Variants in PDPN observed in about 807,000 individuals in gnomAD.
PDPN encodes the protein podoplanin.
PDPN carries 12 observed loss-of-function variants against 23.2 expected under a neutral mutation model. The observed-to-expected ratio is 0.52, with a 90% CI of 0.33 to 0.84. The LOEUF (loss-of-function observed/expected upper bound fraction) is 0.84, where lower values mean the gene tolerates loss of function less well. Among genes scored for constraint, PDPN ranks in the 40% least tolerant of loss-of-function variants. The pLI is 0.02. For synonymous variants in PDPN, 77 were observed against 76.7 expected, an observed-to-expected ratio of 1.00 and a Z score of -0.02; for missense variants, 199 against 212.2, an observed-to-expected ratio of 0.94 and a Z score of 0.39.
chr1:13,614,496 T>G, intron 5 of PDPN, 85 bp downstream of exon 5: 4 of 779,240 alleles, frequency 5.1e-6, no homozygotes, highest in Non-Finnish European at 8.9e-6. Flanking sequence ...TAGAAATCTC[T>G]GATATAAGCT....
In PDPN at chr1:13,603,035, A is replaced by T. The variant is rs796951525; in HGVS notation, c.68-4138A>T. Among the ~76,000 whole-genome samples the T allele has an allele frequency of 4.8e-4, 72 of 151,024 alleles. No homozygotes were observed. The East Asian group carries it at 5.2e-3, about 11-fold the overall frequency. ...CTCTACAAATATATATATATATATA[A>T]AAATAAAATGAGATGTCATCTCTAT... On this transcript the variant is annotated intron_variant, in intron 1 of 5. Transcript: ENST00000621990.
At chr1:13,585,519 G>C (rs1640152172) in intron 1 of PDPN, 2 of 1,350,702 alleles carry the variant, frequency 1.5e-6, no homozygotes, top group African/African-American at 3.0e-5. Flanking sequence ...GCAAAGCAAG[G>C]GAGCGCCCTC....
At chr1:13,602,789 G>A (rs1640680300) in intron 1 of PDPN, among the ~76,000 whole-genome samples, 1 of 151,894 alleles carries the variant, frequency 6.6e-6, no homozygotes, top group Admixed American at 6.6e-5. Flanking sequence ...GGCTGATCTT[G>A]AACTCCTGAC....
chr1:13,615,609 T>A (rs1363491480), intron 5 of PDPN, among the ~76,000 whole-genome samples: 3 of 151,980 alleles, frequency 2.0e-5, no homozygotes, highest in Non-Finnish European at 1.5e-5. Flanking sequence ...TTATATGAGT[T>A]GGAGGGATGA....
chr1:13,584,391 G>T, intron 1 of PDPN: 2 of 1,292,916 alleles, frequency 1.5e-6, no homozygotes, highest in East Asian at 5.1e-5. Context: ...CAGAGAGATC[G>T]GGTGGAAGGT....
At chr1:13,584,226 C>T (rs776932074) in intron 1 of PDPN, 126 bp downstream of exon 1, 7 of 1,518,738 alleles carry the variant, frequency 4.6e-6, no homozygotes, top group Admixed American at 2.0e-5. Flanking sequence ...AGGGTGTGTG[C>T]GTGTCAGGCG....
chr1:13,595,590 T>C (rs1033139258), intron 1 of PDPN, among the ~76,000 whole-genome samples: 3 of 152,228 alleles, frequency 2.0e-5, no homozygotes, highest in African/African-American at 7.2e-5. Flanking sequence ...GACACGTGTC[T>C]GATCTCCTCA....
At chr1:13,589,179 A>T (rs576801908) in intron 1 of PDPN, among the ~76,000 whole-genome samples, 24 of 152,150 alleles carry the variant, frequency 1.6e-4, no homozygotes, top group Admixed American at 2.6e-4. Flanking sequence ...CACAGTCTGG[A>T]AATTTATTCC....
At position 13,616,124 on chromosome 1, in the gene PDPN, T is replaced by C. The variant is rs546527599; in HGVS notation, c.*213T>C. On this transcript the variant is annotated 3_prime_UTR_variant, in exon 6 of 6. Transcript: ENST00000621990. ...TCTAAACATTTGCTGTTCAAACATG[T>C]TTTTGAATATACATTCTATAAAAGA... 10 of 590,508 alleles carry C rather than the reference T, an allele frequency of 1.7e-5. No individual in the cohort carries two copies. The highest frequency in any genetic ancestry group is 3.2e-5 in the Admixed American group (1 of 31,360). The allele number at this position is 590,508 out of a possible 1,614,324, so 36.6% of individuals were successfully genotyped here.
At chr1:13,592,791 T>C (rs1640384076) in intron 1 of PDPN, among the ~76,000 whole-genome samples, 1 of 152,054 alleles carries the variant, frequency 6.6e-6, no homozygotes, top group Admixed American at 6.6e-5. Flanking sequence ...CTCAGGTGAT[T>C]CGTCCGCCTC....
At chr1:13,592,897 A>C (rs1159760981) in intron 1 of PDPN, among the ~76,000 whole-genome samples, 1 of 152,212 alleles carries the variant, frequency 6.6e-6, no homozygotes, top group African/African-American at 2.4e-5. Context: ...CCTCTGTCAA[A>C]AATCAATTAC....
At chr1:13,589,079 G>A (rs373082526) in intron 1 of PDPN, among the ~76,000 whole-genome samples, 2 of 144,740 alleles carry the variant, frequency 1.4e-5, no homozygotes, top group South Asian at 2.1e-4. Flanking sequence ...CCTGCTTACC[G>A]TTAGTAGGAA....
At chr1:13,597,608 G>A (rs1430798790) in intron 1 of PDPN, among the ~76,000 whole-genome samples, 1 of 152,152 alleles carries the variant, frequency 6.6e-6, no homozygotes, top group Non-Finnish European at 1.5e-5. Context: ...TTAACGAGAG[G>A]AAGTCCCCAT....
intron 1 of PDPN, among the ~76,000 whole-genome samples, chr1:13,604,197 T>TA (rs1218039183): frequency 6.6e-6 from 1 of 152,196 alleles, no homozygotes; most frequent in Admixed American, 6.5e-5. Flanking sequence ...TGTGCATACA[T>TA]ATGTCTTGGG....
intron 1 of PDPN, among the ~76,000 whole-genome samples, chr1:13,591,026 C>T (rs968148805): frequency 1.3e-5 from 2 of 152,036 alleles, no homozygotes; most frequent in Non-Finnish European, 2.9e-5. Context: ...ACTGCAACCT[C>T]TGCCTCCCGG....
chr1:13,584,550 TC>T (rs1021231525), intron 1 of PDPN, among the ~76,000 whole-genome samples: 2 of 152,160 alleles, frequency 1.3e-5, no homozygotes, highest in Non-Finnish European at 2.9e-5. Context: ...AGGGGAGGGT[TC>T]CCCGCCCTGC....
chr1:13,597,151 G>A (rs1570027826), intron 1 of PDPN, among the ~76,000 whole-genome samples: 1 of 152,158 alleles, frequency 6.6e-6, no homozygotes, highest in Non-Finnish European at 1.5e-5. Flanking sequence ...GGAGGTGCTA[G>A]AATTAATTAA....
intron 1 of PDPN, among the ~76,000 whole-genome samples, chr1:13,594,863 C>T (rs1391155156): frequency 2.0e-5 from 3 of 151,596 alleles, no homozygotes; most frequent in Admixed American, 6.6e-5. Context: ...GGTGTGGTGG[C>T]GGGCACCTGT....
At position 13,616,016 on chromosome 1, in the gene PDPN, T is replaced by C. The variant is rs1257438647; in HGVS notation, c.*105T>C. 1.5e-5 allele frequency: 16 copies of C among 1,075,234 alleles called. No homozygotes were observed. Among genetic ancestry groups the C allele is most frequent in the Non-Finnish European group, 2.2e-5 (15 of 693,420 alleles). 66.6% of individuals were successfully genotyped at this position (1,075,234 alleles called of 1,614,324 possible). On this transcript the variant is annotated 3_prime_UTR_variant, in exon 6 of 6. Coordinates refer to ENST00000621990, the MANE Select transcript of PDPN (RefSeq NM_006474.5). The stretch of plus-strand genomic sequence containing the variant: ...TGGGAGAAGATGACCCGTGGAACAC[T>C]TGCCTGGCCCACTCAGAATCCACGG...
Sources: gnomAD v4.1 joint callset for allele counts (sites outside exome capture counted in the v4.1 genomes callset) on GRCh38, gnomAD v4.1.1 for gene constraint, MANE v1.5 for transcripts, NCBI Gene and HGNC (gene_info 2026-07-23, HGNC 2026-07-21) for gene names.